The following VWA2 variants were observed in gnomAD, a reference collection of about 807,000 sequenced individuals.
The protein encoded by VWA2 is von Willebrand factor A domain-containing protein 2.
A neutral mutation model predicts 70.4 loss-of-function variants in VWA2; 73 were observed. The observed-to-expected ratio is 1.04, with a 90% CI of 0.86 to 1.26. The LOEUF is 1.26. Ranked by LOEUF, VWA2 falls within the 50% of genes most tolerant of loss-of-function variation. The pLI is 0.00. For missense variants in VWA2, 1,011 were observed against 998.5 expected (o/e 1.01, Z -0.17); for synonymous variants, 407 against 423.3 (o/e 0.96, Z 0.47).
rs1032492627 is a variant in VWA2, at chr10:114,248,760, C to T, written c.47C>T (p.Ser16Phe). ...LLEAVCVFLF[S>F]RVPPSLPLQE... ...GAAGCCGTCTGTGTTTTCCTGTTTT[C>T]CAGAGGTAAGATGTGTTTATTGGTG... The change falls in exon 2 of 14, where the codon TCC (serine) becomes TTC (phenylalanine). Residue 16 changes from serine (S) to phenylalanine (F), a missense_variant. By Grantham distance (155) the Ser-to-Phe change is radical (BLOSUM62 -2). Transcript: ENST00000392982. The T allele has an allele frequency of 1.1e-5, 18 of 1,613,458 alleles. No homozygotes were observed. Among genetic ancestry groups the T allele is most frequent in the Middle Eastern group, 1.6e-4 (1 of 6,084 alleles).
Position 114,282,503 on chromosome 10 carries a change from C to T in VWA2, c.834-13C>T, listed in dbSNP as rs749843172. On this transcript the variant is annotated splice_polypyrimidine_tract_variant and intron_variant, in intron 8 of 13. Coordinates refer to ENST00000392982, the MANE Select transcript of VWA2 (RefSeq NM_001272046.2). ...CTCTGATCTGTCTATAATTCTGTTT[C>T]CTTGGATTGTAGCTGGAAGAGAGTG... The T allele has an allele frequency of 3.1e-6, 5 of 1,612,894 alleles. No individual in the cohort carries two copies. In the Admixed American group the frequency reaches 6.7e-5, roughly 21 times the overall value.
At chr10:114,260,383 C>T (rs2037419570) in intron 4 of VWA2, among the ~76,000 whole-genome samples, 1 of 152,212 alleles carries the variant, frequency 6.6e-6, no homozygotes, top group South Asian at 2.1e-4. Context: ...CTTCAGCCCC[C>T]ATACTAGTCG....
At chr10:114,279,416 C>G (rs2133384454) in intron 8 of VWA2, among the ~76,000 whole-genome samples, 1 of 152,290 alleles carries the variant, frequency 6.6e-6, no homozygotes, top group African/African-American at 2.4e-5. Context: ...ACTGGTGACC[C>G]TGCCCCTCTC....
Position 114,253,730 on chromosome 10 carries a change from G to A in VWA2, c.127+5G>A, listed in dbSNP as rs1320214886. On this transcript the variant is annotated splice_donor_5th_base_variant and intron_variant, in intron 3 of 13. Transcript: ENST00000392982. ...AGATTTCAGCTGCCAGCAAAAGTAA[G>A]CCCAGGTTCTTCTTAACCCTCCAGA... is the stretch of plus-strand genomic sequence containing the variant. The A allele has an allele frequency of 3.1e-6, 5 of 1,611,976 alleles. No homozygotes were observed. The highest frequency in any genetic ancestry group is 1.1e-5 in the South Asian group (1 of 90,978).
At chr10:114,253,811 G>GT (rs2037260383) in intron 3 of VWA2, 86 bp downstream of exon 3, 1 of 1,300,806 alleles carries the variant, frequency 7.7e-7, no homozygotes, top group African/African-American at 1.5e-5. Context: ...CTTCCAGAGA[G>GT]TTTCTGCCCC....
intron 2 of VWA2, 59 bp from the exon 3 acceptor site, chr10:114,253,592 G>C: frequency 6.8e-7 from 1 of 1,475,196 alleles, no homozygotes; most frequent in Admixed American, 1.8e-5. Context: ...TTAATGTGGA[G>C]ATTGAGCCTC....
intron 2 of VWA2, among the ~76,000 whole-genome samples, chr10:114,249,708 A>G (rs781760094): frequency 6.6e-6 from 1 of 152,098 alleles, no homozygotes; most frequent in Non-Finnish European, 1.5e-5. Context: ...CATGGTGTAT[A>G]TGTACCACAT....
Position 114,288,995 on chromosome 10 carries a change from G to T in VWA2, c.1628G>T (p.Gly543Val). ...VFMLDTSASVGPENFAQMQSF... is the reference protein window; with the variant it reads ...VFMLDTSASVVPENFAQMQSF... Reference sequence around the variant, plus strand: ...ATGTTGGACACCTCTGCCTCAGTAGGGCCCGAGAATTTTGCTCAGATGCAG... The same window carrying T: ...ATGTTGGACACCTCTGCCTCAGTAGTGCCCGAGAATTTTGCTCAGATGCAG... The change falls in exon 12 of 14, where the codon GGG (glycine) becomes GTG (valine). Residue 543 changes from glycine to valine, a missense_variant. Transcript: ENST00000392982. 1 of 1,614,118 alleles carries T rather than the reference G, an allele frequency of 6.2e-7. No individual in the cohort carries two copies. Among genetic ancestry groups the T allele is most frequent in the Non-Finnish European group, 8.5e-7 (1 of 1,180,022 alleles).
chr10:114,276,133 G>A (rs2037836465), intron 6 of VWA2, among the ~76,000 whole-genome samples: 1 of 152,160 alleles, frequency 6.6e-6, no homozygotes, highest in African/African-American at 2.4e-5. Context: ...TCTTTGAGCA[G>A]CCATGGCCTA....
intron 6 of VWA2, among the ~76,000 whole-genome samples, chr10:114,274,822 A>G (rs2037792551): frequency 6.6e-6 from 1 of 152,154 alleles, no homozygotes; most frequent in South Asian, 2.1e-4. Flanking sequence ...TTGAAGGCAG[A>G]GCAGTGAGCG....
At position 114,282,430 on chromosome 10, in the gene VWA2, G is replaced by A. The variant is rs367670912; in HGVS notation, c.834-86G>A. On this transcript the variant is annotated intron_variant, in intron 8 of 13. Coordinates refer to ENST00000392982, the MANE Select transcript of VWA2 (RefSeq NM_001272046.2). ...ACTTCTGCATTGGAATCTTCTATCA[G>A]CTTTTGGTGTTGTAAATCATCTTCT... is the stretch of plus-strand genomic sequence containing the variant. 5.6e-6 allele frequency: 6 copies of A among 1,076,988 alleles called. No homozygotes were observed. The South Asian group carries it at 6.3e-5, about 11-fold the overall frequency. 66.7% of individuals were successfully genotyped at this position (1,076,988 alleles called of 1,614,324 possible).
At chr10:114,245,305 A>C (rs584353) in intron 1 of VWA2, among the ~76,000 whole-genome samples, 71,319 of 151,942 alleles carry the variant, frequency 0.47, 17,694 homozygotes, top group African/African-American at 0.64. Context: ...AGGGAAGGGG[A>C]CTGTGTTTAC....
At chr10:114,254,106 C>A (rs1164669908) in intron 3 of VWA2, among the ~76,000 whole-genome samples, 2 of 151,860 alleles carry the variant, frequency 1.3e-5, no homozygotes, top group Non-Finnish European at 2.9e-5. Context: ...GGTCTTGCTC[C>A]TGTCGCCCAG....
chr10:114,255,182 G>C, intron 4 of VWA2, 134 bp downstream of exon 4: 1 of 1,116,618 alleles, frequency 9.0e-7, no homozygotes, highest in Non-Finnish European at 1.3e-6. Context: ...CTGGTTCCTG[G>C]CATGGTGGGA....
intron 1 of VWA2, among the ~76,000 whole-genome samples, chr10:114,245,891 G>A (rs767937236): frequency 3.3e-4 from 50 of 152,168 alleles, no homozygotes; most frequent in Admixed American, 8.5e-4. Flanking sequence ...TTTGTTTTAG[G>A]ACTGCTTTGA....
intron 1 of VWA2, among the ~76,000 whole-genome samples, chr10:114,248,107 C>CAA (rs57749043): frequency 7.8e-4 from 77 of 98,894 alleles, no homozygotes; most frequent in South Asian, 1.3e-3. Context: ...GACTCCATCT[C>CAA]AAAAAAAAAA....
chr10:114,242,873 T>C (rs1433145750), intron 1 of VWA2, among the ~76,000 whole-genome samples: 1 of 152,224 alleles, frequency 6.6e-6, no homozygotes, highest in Non-Finnish European at 1.5e-5. Flanking sequence ...AGCAGAGACT[T>C]TTCTACCCTG....
At chr10:114,275,455 A>G (rs1284530055) in intron 6 of VWA2, among the ~76,000 whole-genome samples, 2 of 152,212 alleles carry the variant, frequency 1.3e-5, no homozygotes, top group Non-Finnish European at 2.9e-5. Flanking sequence ...GAGCATAGCC[A>G]TTGCCAAAGA....
intron 6 of VWA2, among the ~76,000 whole-genome samples, chr10:114,277,029 T>G (rs1446156222): frequency 6.6e-6 from 1 of 152,130 alleles, no homozygotes; most frequent in Non-Finnish European, 1.5e-5. Flanking sequence ...CTGTTTTATG[T>G]GCATTCAGAG....
Sources: allele counts gnomAD v4.1 joint callset (sites outside exome capture counted in the v4.1 genomes callset), GRCh38; gene constraint gnomAD v4.1.1; transcripts MANE v1.5; gene names NCBI Gene and HGNC (gene_info 2026-07-23, HGNC 2026-07-21).